Variants in KDM7A observed in about 807,000 individuals in gnomAD.
KDM7A encodes lysine-specific demethylase 7A.
KDM7A carries 28 observed loss-of-function variants against 114.8 expected under a neutral mutation model. That is an observed-to-expected ratio of 0.24 (90% CI 0.18 to 0.33). The LOEUF (loss-of-function observed/expected upper bound fraction) is 0.33, where lower values mean the gene tolerates loss of function less well. Among genes scored for constraint, KDM7A ranks in the 10% least tolerant of loss-of-function variants. The pLI is 1.00. For missense variants in KDM7A, 942 were observed against 1,142.5 expected (o/e 0.82, Z 2.53); for synonymous variants, 423 against 397.8 (o/e 1.06, Z -0.75).
At chr7:140,091,781 C>A in intron 19 of KDM7A, 23 bp downstream of exon 19, 1 of 1,608,640 alleles carries the variant, frequency 6.2e-7, no homozygotes, top group Non-Finnish European at 8.5e-7. Flanking sequence ...AATATACTTT[C>A]TCTATACATG....
intron 1 of KDM7A, among the ~76,000 whole-genome samples, chr7:140,175,816 G>C (rs1014239396): frequency 2.4e-4 from 2 of 8,220 alleles, no homozygotes; most frequent in Admixed American, 1.4e-3. Context: ...CAAGTTCGCC[G>C]GCACCGGCGC....
chr7:140,089,078 G>A lies in KDM7A; in HGVS notation c.*2016C>T, dbSNP rs1036563672. ...ACACCGACTCAGGATCTACAGAAAA[G>A]CAAAAATCACAAGAATATACTGTGT... On this transcript the variant is annotated 3_prime_UTR_variant, in exon 20 of 20. Coordinates refer to ENST00000397560, the MANE Select transcript of KDM7A (RefSeq NM_030647.2). 2.6e-5 allele frequency: 4 copies of A among 152,024 alleles called. No homozygotes were observed. The highest frequency in any genetic ancestry group is 9.7e-5 in the African/African-American group (4 of 41,394). 9.4% of individuals were successfully genotyped at this position (152,024 alleles called of 1,614,324 possible).
intron 18 of KDM7A, among the ~76,000 whole-genome samples, chr7:140,093,829 A>G (rs1367254703): frequency 6.6e-6 from 1 of 152,188 alleles, no homozygotes; most frequent in African/African-American, 2.4e-5. Context: ...TGCTTCCTTG[A>G]ATAAATTATT....
chr7:140,100,056 C>A (rs371084439), intron 12 of KDM7A, 33 bp from the exon 13 acceptor site: 1 of 1,612,642 alleles, frequency 6.2e-7, no homozygotes, highest in African/African-American at 1.3e-5. Flanking sequence ...TACTTACCAT[C>A]CACCCTCAGG....
Position 140,110,776 on chromosome 7 carries a change from T to A in KDM7A, c.1428+319A>T, listed in dbSNP as rs916924719. Among the ~76,000 whole-genome samples, 95 of 152,220 alleles carry A rather than the reference T, an allele frequency of 6.2e-4. 1 individual carries two copies. Among genetic ancestry groups the A allele is most frequent in the African/African-American group, 2.2e-3 (93 of 41,460 alleles). On this transcript the variant is annotated intron_variant, in intron 11 of 19. Coordinates refer to ENST00000397560, the MANE Select transcript of KDM7A (RefSeq NM_030647.2). ...TTCTCTTGTTCTAATTACATAAACATGTATTCCTCTCTGGGTAGCTGAAAT... is the reference window on the plus strand; with the variant it reads ...TTCTCTTGTTCTAATTACATAAACAAGTATTCCTCTCTGGGTAGCTGAAAT...
At chr7:140,166,060 T>C (rs917210246) in intron 1 of KDM7A, among the ~76,000 whole-genome samples, 2 of 152,150 alleles carry the variant, frequency 1.3e-5, no homozygotes, top group Non-Finnish European at 2.9e-5. Flanking sequence ...TGTGCCTCAT[T>C]AATAAGTTAA....
At chr7:140,157,290 T>C (rs1794467449) in intron 1 of KDM7A, among the ~76,000 whole-genome samples, 1 of 152,246 alleles carries the variant, frequency 6.6e-6, no homozygotes, top group East Asian at 1.9e-4. Context: ...CCACTGAGGG[T>C]AGCCTCAGCT....
intron 9 of KDM7A, among the ~76,000 whole-genome samples, chr7:140,116,905 A>G (rs898299595): frequency 1.3e-5 from 2 of 152,230 alleles, no homozygotes; most frequent in Non-Finnish European, 2.9e-5. Flanking sequence ...GAAACACAGT[A>G]AAGAGTTTCA....
intron 1 of KDM7A, among the ~76,000 whole-genome samples, chr7:140,148,233 A>AG (rs1399356483): frequency 5.3e-5 from 8 of 151,766 alleles, no homozygotes; most frequent in South Asian, 2.1e-4. Flanking sequence ...AAAAAAAAAA[A>AG]AGAGAGAATT....
At chr7:140,158,652 G>C (rs571785408) in intron 1 of KDM7A, among the ~76,000 whole-genome samples, 8 of 152,278 alleles carry the variant, frequency 5.3e-5, no homozygotes, top group Admixed American at 4.6e-4. Context: ...AAGAAAACAG[G>C]TGAGCGCTGG....
At position 140,090,233 on chromosome 7, in the gene KDM7A, A is replaced by G. The variant is rs1289566296; in HGVS notation, c.*861T>C. The G allele has an allele frequency of 1.3e-5, 2 of 151,930 alleles. No homozygotes were observed. Among genetic ancestry groups the G allele is most frequent in the East Asian group, 3.8e-4 (2 of 5,196 alleles). 9.4% of individuals were successfully genotyped at this position (151,930 alleles called of 1,614,324 possible). ...AGCAGAAATGAAAATGCAAAAGCCT[A>G]TTTTTTTTAATGTTGAGAAGAAAAT... On this transcript the variant is annotated 3_prime_UTR_variant, in exon 20 of 20. Coordinates refer to ENST00000397560, the MANE Select transcript of KDM7A (RefSeq NM_030647.2).
chr7:140,152,890 TCGCTCTGTCAC>T (rs1185629244), intron 1 of KDM7A, among the ~76,000 whole-genome samples: 1 of 152,036 alleles, frequency 6.6e-6, no homozygotes, highest in Non-Finnish European at 1.5e-5. Context: ...AGACGGGGTC[TCGCTCTGTCAC>T]CAGGCTGGAG....
chr7:140,129,738 A>G (rs978835099), intron 3 of KDM7A, 85 bp from the exon 4 acceptor site: 6 of 769,450 alleles, frequency 7.8e-6, no homozygotes, highest in Admixed American at 6.5e-5. Flanking sequence ...GTTAATTCAT[A>G]TACTGGATTA....
rs528810472 is a variant in KDM7A at position 140,115,705 on chromosome 7, C to T, written c.1247-2123G>A. On this transcript the variant is annotated intron_variant, in intron 9 of 19. Transcript: ENST00000397560. ...TAGGAAAACCAGAGACCTTTGTTCACTTGTTTATCTGCTGACCTTCCCTCC... is the reference window on the plus strand; with the variant it reads ...TAGGAAAACCAGAGACCTTTGTTCATTTGTTTATCTGCTGACCTTCCCTCC... 1.3e-4 allele frequency among the ~76,000 whole-genome samples: 20 copies of T among 151,934 alleles called. 1 individual carries two copies. The South Asian group carries it at 4.0e-3, about 30-fold the overall frequency.
intron 1 of KDM7A, 39 bp from the exon 2 acceptor site, chr7:140,139,229 T>C: frequency 7.0e-7 from 1 of 1,422,838 alleles, no homozygotes; most frequent in Non-Finnish European, 9.9e-7. Context: ...GTAAGTAAGT[T>C]GAAAATCTTC....
intron 1 of KDM7A, among the ~76,000 whole-genome samples, chr7:140,155,103 C>T (rs775342984): frequency 5.9e-5 from 9 of 152,102 alleles, no homozygotes; most frequent in Non-Finnish European, 1.2e-4. Flanking sequence ...TACACTAAAA[C>T]TTTCTAAAAC....
At chr7:140,127,612 T>C (rs1267157393) in intron 4 of KDM7A, 29 bp from the exon 5 acceptor site, 1 of 1,599,912 alleles carries the variant, frequency 6.3e-7, no homozygotes, top group Admixed American at 1.7e-5. Context: ...GTCTTATTAT[T>C]GGACTTAAGA....
chr7:140,147,665 A>G (rs1794353205), intron 1 of KDM7A, among the ~76,000 whole-genome samples: 1 of 152,136 alleles, frequency 6.6e-6, no homozygotes, highest in Admixed American at 6.6e-5. Context: ...CTTTGAGGTA[A>G]ATTAACTCCG....
chr7:140,150,152 C>T (rs1048009166), intron 1 of KDM7A, among the ~76,000 whole-genome samples: 2 of 152,138 alleles, frequency 1.3e-5, no homozygotes, highest in Admixed American at 6.5e-5. Flanking sequence ...AATGGGAAAA[C>T]CTTCCTGTTT....
Sources: gnomAD v4.1 joint callset for allele counts (sites outside exome capture counted in the v4.1 genomes callset) on GRCh38, gnomAD v4.1.1 for gene constraint, MANE v1.5 for transcripts, NCBI Gene and HGNC (gene_info 2026-07-23, HGNC 2026-07-21) for gene names.